DDX51: variants seen among roughly 807,000 people sequenced by gnomAD.
DDX51 encodes ATP-dependent RNA helicase DDX51.
A neutral mutation model predicts 74.6 loss-of-function variants in DDX51; 67 were observed. The ratio of observed to expected loss-of-function variants is 0.90; its 90% CI spans 0.74 to 1.10. The LOEUF is 1.10. Among genes scored for constraint, DDX51 ranks in the 50% least tolerant of loss-of-function variants. The probability of loss-of-function intolerance (pLI) is 0.00; values close to 1 mark genes in which losing one functional copy is unlikely to be tolerated. For missense variants in DDX51, 1,056 were observed against 905.2 expected, an observed-to-expected ratio of 1.17 and a Z score of -2.14; for synonymous variants, 545 against 402.9, an observed-to-expected ratio of 1.35 and a Z score of -4.22.
At position 132,139,906 on chromosome 12, in the gene DDX51, G is replaced by A. The variant is rs369048191; in HGVS notation, c.1794C>T (p.Arg598=). The part of the protein sequence containing the change: ...TYVHRVGRTA[R]AGKTGQAFTL... ...TGAAGGCCTGTCCAGTTTTCCCAGC[G>A]CGAGCTGTCCTCCCAACCCTGGAAT... The change falls in exon 13 of 15, where the codon CGC becomes CGT. Residue 598 remains arginine, a synonymous_variant. Coordinates refer to ENST00000397333, the MANE Select transcript of DDX51 (RefSeq NM_175066.4). 72 of 1,613,054 alleles carry A rather than the reference G, an allele frequency of 4.5e-5. No homozygotes were observed. In the African/African-American group the frequency reaches 6.5e-4, roughly 15 times the overall value.
Position 132,141,617 on chromosome 12 carries a change from G to A in DDX51, c.996-11C>T, listed in dbSNP as rs765423306. ...CGGTACCCATCAGCTCTACAGACCAGAGAGCAGCTCGAGAGAAGGAAGCTT... is the reference window on the plus strand; with the variant it reads ...CGGTACCCATCAGCTCTACAGACCAAAGAGCAGCTCGAGAGAAGGAAGCTT... On this transcript the variant is annotated splice_polypyrimidine_tract_variant and intron_variant, in intron 6 of 14. Transcript: ENST00000397333. 9.6e-6 allele frequency: 15 copies of A among 1,564,066 alleles called. No individual in the cohort carries two copies. In the South Asian group the frequency reaches 1.4e-4, roughly 15 times the overall value.
At chr12:132,142,451 G>C (rs779322936) in intron 3 of DDX51, 29 bp from the exon 4 acceptor site, 10 of 1,606,050 alleles carry the variant, frequency 6.2e-6, no homozygotes, top group Non-Finnish European at 8.5e-6. Flanking sequence ...GAGAGAAGTC[G>C]TGTTTACGCC....
rs773439031 is a variant in DDX51, at chr12:132,139,291, C to T, written c.1982G>A (p.Arg661His). ...SQLEESVKEE[R>H]KQRAA ...CCCAGCCTAGGCCGCCCTCTGCTTGCGCTCTTCCTGTGGAGGAAAGGGGAG... is the reference window on the plus strand; with the variant it reads ...CCCAGCCTAGGCCGCCCTCTGCTTGTGCTCTTCCTGTGGAGGAAAGGGGAG... The change falls in exon 15 of 15, where the codon CGC becomes CAC. Residue 661 changes from arginine (R) to histidine (H), a missense_variant. Physicochemically the swap from Arg to His is conservative, Grantham distance 29. Transcript: ENST00000397333. The T allele has an allele frequency of 2.2e-5, 35 of 1,608,686 alleles. No homozygotes were observed. Among genetic ancestry groups the T allele is most frequent in the African/African-American group, 1.5e-4 (11 of 74,854 alleles).
In DDX51 at chr12:132,136,756, C is replaced by G. The variant is rs1294843909; in HGVS notation, c.*2516G>C. ...TCTTGGCCCACTGCAACCTCCACCTCCCGGGCAAGTGATTCTCCTGCCTCA... is the reference window on the plus strand; with the variant it reads ...TCTTGGCCCACTGCAACCTCCACCTGCCGGGCAAGTGATTCTCCTGCCTCA... On this transcript the variant is annotated 3_prime_UTR_variant, in exon 15 of 15. Coordinates refer to ENST00000397333, the MANE Select transcript of DDX51 (RefSeq NM_175066.4). 1 of 152,308 alleles carries G rather than the reference C, an allele frequency of 6.6e-6. No individual in the cohort carries two copies. Among genetic ancestry groups the G allele is most frequent in the Non-Finnish European group, 1.5e-5 (1 of 68,148 alleles). The allele number at this position is 152,308 out of a possible 1,614,324, so 9.4% of individuals were successfully genotyped here. A position where few individuals can be genotyped will look rare whatever the true frequency, so the allele number is the denominator to read the frequency against.
In DDX51 at chr12:132,139,625, G is replaced by T; in HGVS notation, c.1974+10C>A. On this transcript the variant is annotated intron_variant, in intron 14 of 14. Transcript: ENST00000397333. Reference sequence around the variant, plus strand: ...CCAGAGGGTTTCATGCCGGACTCTGGTGCCCTTACCTTGACAGACTCCTCC... The same window carrying T: ...CCAGAGGGTTTCATGCCGGACTCTGTTGCCCTTACCTTGACAGACTCCTCC... 3 of 1,613,096 alleles carry T rather than the reference G, an allele frequency of 1.9e-6. No homozygotes were observed. Among genetic ancestry groups the T allele is most frequent in the Non-Finnish European group, 2.5e-6 (3 of 1,180,012 alleles).
Position 132,138,736 on chromosome 12 carries a change from C to T in DDX51, c.*536G>A, listed in dbSNP as rs149511547. 2,508 of 152,674 alleles carry T rather than the reference C, an allele frequency of 0.016. 117 individuals carry two copies. The highest frequency in any genetic ancestry group is 0.064 in the South Asian group (312 of 4,850). 9.5% of individuals were successfully genotyped at this position (152,674 alleles called of 1,614,324 possible). A position where few individuals can be genotyped will look rare whatever the true frequency, so the allele number is the denominator to read the frequency against. ...CCGGGTTCAAGCCATTTTCCTGCCT[C>T]AGCCTCCCAAGTAGCTGGATTACAG... On this transcript the variant is annotated 3_prime_UTR_variant, in exon 15 of 15. Coordinates refer to ENST00000397333, the MANE Select transcript of DDX51 (RefSeq NM_175066.4).
chr12:132,142,431 G>A lies in DDX51; in HGVS notation c.671-9C>T, dbSNP rs771702233. 1.7e-5 allele frequency: 27 copies of A among 1,610,638 alleles called. No homozygotes were observed. The highest frequency in any genetic ancestry group is 1.9e-5 in the Non-Finnish European group (23 of 1,179,796). ...AATCACAGCTGCCTGGACTGGATGA[G>A]GAAAGGCGAGAGAGAAGTCGTGTTT... is the stretch of plus-strand genomic sequence containing the variant. On this transcript the variant is annotated splice_polypyrimidine_tract_variant and intron_variant, in intron 3 of 14. Transcript: ENST00000397333.
In DDX51 at chr12:132,140,541, T is replaced by C; in HGVS notation, c.1557-2A>G. The C allele has an allele frequency of 6.2e-7, 1 of 1,612,860 alleles. No homozygotes were observed. Among genetic ancestry groups the C allele is most frequent in the Non-Finnish European group, 8.5e-7 (1 of 1,179,972 alleles). On this transcript the variant is annotated splice_acceptor_variant, in intron 10 of 14. Coordinates refer to ENST00000397333, the MANE Select transcript of DDX51 (RefSeq NM_175066.4). LOFTEE classifies it high-confidence loss of function. Reference sequence around the variant, plus strand: ...AAAGCTTGCACCAGCAGGAAGAGCCTAGGCAGAGAGAAGGCTGCGGCCAAG... The same window carrying C: ...AAAGCTTGCACCAGCAGGAAGAGCCCAGGCAGAGAGAAGGCTGCGGCCAAG...
At position 132,137,770 on chromosome 12, in the gene DDX51, G is replaced by A. The variant is rs941143400; in HGVS notation, c.*1502C>T. On this transcript the variant is annotated 3_prime_UTR_variant, in exon 15 of 15. Transcript: ENST00000397333. The stretch of plus-strand genomic sequence containing the variant: ...CACACACTGTATCCACCCAGTCCAT[G>A]GTTTTTAGTAAAAGGTTTATAGAGG... The A allele has an allele frequency of 2.6e-5, 4 of 152,156 alleles. No homozygotes were observed. Among genetic ancestry groups the A allele is most frequent in the Admixed American group, 2.6e-4 (4 of 15,270 alleles). 9.4% of individuals were successfully genotyped at this position (152,156 alleles called of 1,614,324 possible).
chr12:132,137,795 G>T lies in DDX51; in HGVS notation c.*1477C>A, dbSNP rs1897307154. ...GGTTTTTAGTAAAAGGTTTATAGAG[G>T]TGAGCAGCCATCACCACACACAACC... On this transcript the variant is annotated 3_prime_UTR_variant, in exon 15 of 15. Transcript: ENST00000397333. 1 of 152,182 alleles carries T rather than the reference G, an allele frequency of 6.6e-6. No homozygotes were observed. 9.4% of individuals were successfully genotyped at this position (152,182 alleles called of 1,614,324 possible).
chr12:132,140,220 G>A, intron 11 of DDX51, 21 bp from the exon 12 acceptor site: 2 of 1,606,946 alleles, frequency 1.2e-6, no homozygotes, highest in Non-Finnish European at 1.7e-6. Context: ...ACGCAGCATT[G>A]TGGGCCCGAC....
Position 132,141,911 on chromosome 12 carries a change from C to T in DDX51, c.934G>A (p.Val312Ile). The stretch of plus-strand genomic sequence containing the variant: ...GACTTCTGTCCCGTAACCAGGGAGA[C>T]TCTCAGAGGTGTGGCATCTGTGTAG... Reference protein sequence around the residue: ...NIYTDATPLRVSLVTGQKSLA... With the variant: ...NIYTDATPLRISLVTGQKSLA... The change falls in exon 6 of 15, where the codon GTC (valine) becomes ATC (isoleucine). Residue 312 changes from valine (V) to isoleucine (I), a missense_variant. By Grantham distance (29) the Val-to-Ile change is conservative (BLOSUM62 3). Coordinates refer to ENST00000397333, the MANE Select transcript of DDX51 (RefSeq NM_175066.4). 2 of 1,613,228 alleles carry T rather than the reference C, an allele frequency of 1.2e-6. No homozygotes were observed. Among genetic ancestry groups the T allele is most frequent in the Non-Finnish European group, 1.7e-6 (2 of 1,180,002 alleles).
rs768478997 is a variant in DDX51 at position 132,139,279 on chromosome 12, G to T, written c.1994C>A (p.Ala665Glu). The change falls in exon 15 of 15, where the codon GCG becomes GAG. Residue 665 changes from alanine to glutamate, a missense_variant. By Grantham distance (107) the Ala-to-Glu change is moderately radical. Transcript: ENST00000397333. ...ESVKEERKQR[A>E]A is the part of the protein sequence containing the mutation. ...GGCCCTCTGAGCCCCAGCCTAGGCC[G>T]CCCTCTGCTTGCGCTCTTCCTGTGG... 1 of 1,608,376 alleles carries T rather than the reference G, an allele frequency of 6.2e-7. No individual in the cohort carries two copies. The highest frequency in any genetic ancestry group is 1.1e-5 in the South Asian group (1 of 90,296).
chr12:132,140,614 CCT>C lies in DDX51; in HGVS notation c.1556+4_1556+5del. 6.2e-7 allele frequency: 1 copy of C among 1,612,920 alleles called. No homozygotes were observed. The highest frequency in any genetic ancestry group is 8.5e-7 in the Non-Finnish European group (1 of 1,179,996). Reference sequence around the variant, plus strand: ...CTCTGCCACCCCCGCCCAGCCGGGGCCTCACCTGTGGGAGTTCTCTCGGGAGT... The same window carrying C: ...CTCTGCCACCCCCGCCCAGCCGGGGCCACCTGTGGGAGTTCTCTCGGGAGT... On this transcript the variant is annotated splice_donor_5th_base_variant and intron_variant, in intron 10 of 14. Coordinates refer to ENST00000397333, the MANE Select transcript of DDX51 (RefSeq NM_175066.4).
rs989321070 is a variant in DDX51 at position 132,137,416 on chromosome 12, T to TA, written c.*1855dup. The TA allele has an allele frequency of 1.3e-5, 2 of 151,842 alleles. No homozygotes were observed. The highest frequency in any genetic ancestry group is 2.9e-5 in the Non-Finnish European group (2 of 68,058). The allele number at this position is 151,842 out of a possible 1,614,324, so 9.4% of individuals were successfully genotyped here. On this transcript the variant is annotated 3_prime_UTR_variant, in exon 15 of 15. Transcript: ENST00000397333. Reference sequence around the variant, plus strand: ...GAGCTATTTTTGAGCTGCTTTTTGTTAAAAGGCAAATTTTCTGCTGGGGAC... The same window carrying TA: ...GAGCTATTTTTGAGCTGCTTTTTGTTAAAAAGGCAAATTTTCTGCTGGGGAC...
intron 2 of DDX51, 114 bp downstream of exon 2, chr12:132,143,581 G>T (rs1321563229): frequency 2.2e-6 from 3 of 1,364,846 alleles, no homozygotes; most frequent in Admixed American, 4.3e-5. Context: ...AGCGAGGCGC[G>T]GCTGTGACCC....
chr12:132,141,292 C>T lies in DDX51; in HGVS notation c.1233G>A (p.Gln411=), dbSNP rs747978340. Residue 411 remains glutamine, a synonymous_variant, in exon 8 of 15, where the codon CAG becomes CAA. Coordinates refer to ENST00000397333, the MANE Select transcript of DDX51 (RefSeq NM_175066.4). ...PCALLQRRQA[Q]AVTAASTCCP... Reference sequence around the variant, plus strand: ...CTGGATACCTGGCGGCTGTCACAGCCTGGGCCTGCCTTCGCTGGAGCAGGG... The same window carrying T: ...CTGGATACCTGGCGGCTGTCACAGCTTGGGCCTGCCTTCGCTGGAGCAGGG... The T allele has an allele frequency of 2.7e-5, 43 of 1,595,896 alleles. No individual in the cohort carries two copies. Among genetic ancestry groups the T allele is most frequent in the Non-Finnish European group, 8.5e-6 (10 of 1,177,862 alleles).
At chr12:132,140,334 A>G in intron 11 of DDX51, 89 bp downstream of exon 11, 1 of 1,572,174 alleles carries the variant, frequency 6.4e-7, no homozygotes, top group Non-Finnish European at 8.7e-7. Flanking sequence ...GCCAATTTGC[A>G]GAAGGAAGCA....
intron 1 of DDX51, 41 bp from the exon 2 acceptor site, chr12:132,143,950 G>C (rs371187736): frequency 0.017 from 24,650 of 1,471,108 alleles, 820 homozygotes; most frequent in African/African-American, 0.09. Flanking sequence ...TCAGCACCGA[G>C]TCGCCGGCGC....
Sources: gnomAD v4.1 joint callset for allele counts on GRCh38, gnomAD v4.1.1 for gene constraint, MANE v1.5 for transcripts, NCBI Gene and HGNC (gene_info 2026-07-23, HGNC 2026-07-21) for gene names.